The following FBXO42 variants were observed in gnomAD, a reference collection of about 807,000 sequenced individuals.
The protein encoded by FBXO42 is F-box protein 42.
In FBXO42, 12 loss-of-function variants were observed where a neutral mutation model predicts 71.7. The ratio of observed to expected loss-of-function variants is 0.17; its 90% CI spans 0.11 to 0.27. FBXO42 has a LOEUF of 0.27. Among genes scored for constraint, FBXO42 ranks in the 10% least tolerant of loss-of-function variants. The pLI is 1.00. For synonymous variants in FBXO42, 325 were observed against 327.5 expected (o/e 0.99, Z 0.08); for missense variants, 707 against 911.9 (o/e 0.78, Z 2.89).
At chr1:16,326,177 T>A (rs2082449111) in intron 1 of FBXO42, among the ~76,000 whole-genome samples, 1 of 151,788 alleles carries the variant, frequency 6.6e-6, no homozygotes, top group South Asian at 2.1e-4. Context: ...TGCCTCAGCC[T>A]CCCAAGTAGC....
At chr1:16,258,211 C>T (rs1239035874) in intron 4 of FBXO42, among the ~76,000 whole-genome samples, 1 of 152,124 alleles carries the variant, frequency 6.6e-6, no homozygotes, top group Non-Finnish European at 1.5e-5. Flanking sequence ...CTTACAAAGT[C>T]TCAAGGTTGA....
chr1:16,299,818 T>C (rs1374754635), intron 3 of FBXO42, among the ~76,000 whole-genome samples: 1 of 151,984 alleles, frequency 6.6e-6, no homozygotes, highest in Non-Finnish European at 1.5e-5. Context: ...CTAATATTTG[T>C]ATTTTTGGTA....
At chr1:16,256,573 T>C (rs779205389) in intron 5 of FBXO42, 33 bp downstream of exon 5, 209 of 1,602,262 alleles carry the variant, frequency 1.3e-4, no homozygotes, top group Non-Finnish European at 1.7e-4. Flanking sequence ...GGCCTTTTCT[T>C]CCAGATTTAA....
chr1:16,281,409 G>C (rs1485087534), intron 4 of FBXO42, among the ~76,000 whole-genome samples: 2 of 151,974 alleles, frequency 1.3e-5, no homozygotes, highest in Non-Finnish European at 2.9e-5. Flanking sequence ...TCCTGGGACA[G>C]TATGCCACTC....
chr1:16,251,877 C>T lies in FBXO42; in HGVS notation c.1039-92G>A. The T allele has an allele frequency of 6.8e-7, 1 of 1,465,840 alleles. No homozygotes were observed. The highest frequency in any genetic ancestry group is 1.3e-5 in the South Asian group (1 of 74,386). 90.8% of individuals were successfully genotyped at this position (1,465,840 alleles called of 1,614,324 possible). A position where few individuals can be genotyped will look rare whatever the true frequency, so the allele number is the denominator to read the frequency against. ...TTTTATCATGAGCATCTGTCATGTG[C>T]CAGACATTTTGTAGGTACCTGAGAT... On this transcript the variant is annotated intron_variant, in intron 9 of 9. Transcript: ENST00000375592. The surrounding 1 kb of genome is among the most constrained non-coding windows in gnomAD (Gnocchi z 4.5).
At chr1:16,284,699 G>C (rs2082002968) in intron 4 of FBXO42, among the ~76,000 whole-genome samples, 1 of 152,050 alleles carries the variant, frequency 6.6e-6, no homozygotes, top group African/African-American at 2.4e-5. Context: ...CAGGCGCAGG[G>C]ACTCATGCCT....
chr1:16,256,075 G>C (rs2081640813), intron 5 of FBXO42, among the ~76,000 whole-genome samples: 1 of 152,176 alleles, frequency 6.6e-6, no homozygotes, highest in African/African-American at 2.4e-5. Context: ...CAAGATCATG[G>C]CTTCTTTGGC....
chr1:16,335,819 A>C (rs2082547171), intron 1 of FBXO42, among the ~76,000 whole-genome samples: 2 of 149,102 alleles, frequency 1.3e-5, no homozygotes, highest in African/African-American at 5.0e-5. Context: ...GTGAGCTGAG[A>C]TCACGCCATT....
intron 4 of FBXO42, among the ~76,000 whole-genome samples, chr1:16,289,525 C>T (rs2082056759): frequency 6.6e-6 from 1 of 152,092 alleles, no homozygotes; most frequent in Non-Finnish European, 1.5e-5. Context: ...TCTCAACTCC[C>T]CCTGTGCCAC....
intron 4 of FBXO42, among the ~76,000 whole-genome samples, chr1:16,285,953 A>C (rs957221620): frequency 6.6e-6 from 1 of 152,014 alleles, no homozygotes; most frequent in African/African-American, 2.4e-5. Flanking sequence ...CTGCAGCCTC[A>C]ACCTCCTGGA....
chr1:16,290,103 T>A (rs1016372626), intron 4 of FBXO42, among the ~76,000 whole-genome samples: 3 of 152,222 alleles, frequency 2.0e-5, no homozygotes, highest in African/African-American at 7.2e-5. Flanking sequence ...AAGTACTAGC[T>A]GTGGGTCTCT....
intron 4 of FBXO42, among the ~76,000 whole-genome samples, chr1:16,282,010 A>G (rs2081969029): frequency 6.6e-6 from 1 of 151,308 alleles, no homozygotes; most frequent in Non-Finnish European, 1.5e-5. Flanking sequence ...AAAGGTAGCT[A>G]TTTCTACAAA....
intron 4 of FBXO42, among the ~76,000 whole-genome samples, chr1:16,273,533 T>C (rs567416727): frequency 1.3e-5 from 2 of 151,148 alleles, no homozygotes; most frequent in African/African-American, 4.9e-5. Flanking sequence ...ATGGCAGCTA[T>C]ATTCAAAGTA....
intron 2 of FBXO42, among the ~76,000 whole-genome samples, chr1:16,309,799 T>C (rs187350505): frequency 6.6e-6 from 1 of 151,258 alleles, no homozygotes; most frequent in Admixed American, 6.6e-5. Context: ...AATCCGAGCA[T>C]TTTGGGAGGC....
At chr1:16,311,817 C>G (rs1411102755) in intron 2 of FBXO42, among the ~76,000 whole-genome samples, 1 of 152,062 alleles carries the variant, frequency 6.6e-6, no homozygotes, top group African/African-American at 2.4e-5. Context: ...CCTTACAAAA[C>G]TAACGATGCT....
chr1:16,262,233 G>A (rs990666052), intron 4 of FBXO42, among the ~76,000 whole-genome samples: 1 of 152,108 alleles, frequency 6.6e-6, no homozygotes, highest in Non-Finnish European at 1.5e-5. Flanking sequence ...ATGCTGCCCA[G>A]TCTGGTCTTT....
intron 1 of FBXO42, among the ~76,000 whole-genome samples, chr1:16,334,070 G>C (rs953299840): frequency 6.6e-6 from 1 of 152,128 alleles, no homozygotes. Context: ...TATATTCAAA[G>C]ATAGCTTATA....
intron 3 of FBXO42, among the ~76,000 whole-genome samples, chr1:16,304,987 T>C (rs748005794): frequency 3.9e-5 from 6 of 152,050 alleles, no homozygotes; most frequent in African/African-American, 7.2e-5. Context: ...AAGCAGAATA[T>C]AAAATTCTTA....
At chr1:16,326,349 C>T (rs1262637227) in intron 1 of FBXO42, among the ~76,000 whole-genome samples, 1 of 151,590 alleles carries the variant, frequency 6.6e-6, no homozygotes, top group Non-Finnish European at 1.5e-5. Context: ...AGCCACCGTG[C>T]CCAGCCTCTT....
Sources: gnomAD v4.1 joint callset for allele counts (sites outside exome capture counted in the v4.1 genomes callset) on GRCh38, gnomAD v4.1.1 for gene constraint, Gnocchi (gnomAD v3.1) non-coding constraint, MANE v1.5 for transcripts, NCBI Gene and HGNC (gene_info 2026-07-23, HGNC 2026-07-21) for gene names.